Variants in MTA3 observed in about 807,000 individuals in gnomAD.
MTA3 encodes the protein metastasis-associated protein MTA3.
In MTA3, 34 loss-of-function variants were observed where a neutral mutation model predicts 83.5. The observed-to-expected ratio is 0.41, with a 90% CI of 0.31 to 0.54. The LOEUF (loss-of-function observed/expected upper bound fraction) is 0.54. Ranked by LOEUF, MTA3 falls within the 20% of genes least tolerant of loss-of-function variation. The pLI, the probability that MTA3 is intolerant of heterozygous loss-of-function variation, is 0.33. For synonymous variants in MTA3, 303 were observed against 252.7 expected (o/e 1.20, Z -1.89); for missense variants, 761 against 726.4 (o/e 1.05, Z -0.55).
At chr2:42,725,416 A>G (rs1019481250) in intron 16 of MTA3, among the ~76,000 whole-genome samples, 5 of 152,362 alleles carry the variant, frequency 3.3e-5, no homozygotes, top group African/African-American at 1.2e-4. Context: ...AATGCACTGT[A>G]TTAGGTTCTA....
At chr2:42,612,126 G>A (rs1013570059) in intron 4 of MTA3, among the ~76,000 whole-genome samples, 1 of 152,168 alleles carries the variant, frequency 6.6e-6, no homozygotes, top group Non-Finnish European at 1.5e-5. Flanking sequence ...AAAATAGTAG[G>A]TGATTAATTT....
intron 2 of MTA3, among the ~76,000 whole-genome samples, chr2:42,513,173 G>C (rs561054688): frequency 6.6e-6 from 1 of 152,236 alleles, no homozygotes; most frequent in East Asian, 1.9e-4. Context: ...TTTCATCTTT[G>C]TGTTGGCAAG....
intron 3 of MTA3, among the ~76,000 whole-genome samples, chr2:42,586,834 C>T (rs1680390082): frequency 6.6e-6 from 1 of 152,104 alleles, no homozygotes; most frequent in South Asian, 2.1e-4. Context: ...ACCATCCTGG[C>T]CAACATGGTG....
intron 6 of MTA3, among the ~76,000 whole-genome samples, chr2:42,651,313 A>G (rs888922621): frequency 2.0e-5 from 3 of 152,230 alleles, no homozygotes; most frequent in Non-Finnish European, 4.4e-5. Flanking sequence ...AACACTGTAC[A>G]CTTAGGCTAT....
At chr2:42,617,855 A>G (rs535641113) in intron 4 of MTA3, among the ~76,000 whole-genome samples, 2 of 152,098 alleles carry the variant, frequency 1.3e-5, no homozygotes, top group South Asian at 4.2e-4. Flanking sequence ...CTTTACATCT[A>G]TTTTTATTCC....
chr2:42,514,441 G>A (rs1261348270), intron 2 of MTA3, among the ~76,000 whole-genome samples: 1 of 152,058 alleles, frequency 6.6e-6, no homozygotes, highest in Non-Finnish European at 1.5e-5. Context: ...GAGTGCAGGG[G>A]CACTGTCTTG....
chr2:42,589,521 G>A (rs931533822), intron 3 of MTA3, among the ~76,000 whole-genome samples: 1 of 152,166 alleles, frequency 6.6e-6, no homozygotes, highest in Admixed American at 6.6e-5. Flanking sequence ...TAATAAATGA[G>A]TACTGTACAT....
intron 2 of MTA3, among the ~76,000 whole-genome samples, chr2:42,548,812 T>TATATATAAATATA: frequency 2.7e-5 from 1 of 37,196 alleles, no homozygotes; most frequent in Non-Finnish European, 4.3e-5. Flanking sequence ...CAAAAAAAAA[T>TATATATAAATATA]ATATATATAT....
intron 6 of MTA3, among the ~76,000 whole-genome samples, chr2:42,648,150 T>C (rs936685750): frequency 6.6e-5 from 10 of 152,218 alleles, no homozygotes; most frequent in Non-Finnish European, 1.3e-4. Flanking sequence ...CACCCTTCTT[T>C]TTTCTAATGA....
chr2:42,682,634 A>T (rs1692029901), intron 9 of MTA3, 45 bp downstream of exon 9: 2 of 1,518,772 alleles, frequency 1.3e-6, no homozygotes, highest in South Asian at 1.2e-5. Flanking sequence ...AGATGGGAAT[A>T]TTCTGTTTTA....
Position 42,753,622 on chromosome 2 carries a change from A to T in MTA3, c.*223A>T. ...CAGCAGCACCTCGCTTTCTTGTCAG[A>T]GACCTCGCTGTTACGGAGCGAGACC... On this transcript the variant is annotated 3_prime_UTR_variant, in exon 17 of 17. Transcript: ENST00000405094. 7.3e-7 allele frequency: 1 copy of T among 1,362,608 alleles called. No individual in the cohort carries two copies. Among genetic ancestry groups the T allele is most frequent in the South Asian group, 1.6e-5 (1 of 62,528 alleles). 84.4% of individuals were successfully genotyped at this position (1,362,608 alleles called of 1,614,324 possible).
intron 4 of MTA3, among the ~76,000 whole-genome samples, chr2:42,630,046 G>C (rs1428081489): frequency 1.3e-5 from 2 of 152,086 alleles, no homozygotes; most frequent in Non-Finnish European, 2.9e-5. Context: ...CAAGTGCTAG[G>C]ATTACAGGCA....
chr2:42,707,278 C>G (rs1573702442), intron 12 of MTA3, among the ~76,000 whole-genome samples: 1 of 151,526 alleles, frequency 6.6e-6, no homozygotes, highest in African/African-American at 2.4e-5. Context: ...GAGCCTCACT[C>G]TGTCGCCCAG....
chr2:42,706,646 A>G (rs1252943623), intron 12 of MTA3, among the ~76,000 whole-genome samples: 1 of 152,242 alleles, frequency 6.6e-6, no homozygotes, highest in African/African-American at 2.4e-5. Flanking sequence ...CAATTAACTT[A>G]TGTCTCAACC....
chr2:42,630,090 C>G (rs774867927), intron 4 of MTA3, among the ~76,000 whole-genome samples: 2 of 152,088 alleles, frequency 1.3e-5, no homozygotes, highest in Non-Finnish European at 2.9e-5. Context: ...ACAATTTAAG[C>G]GATCCTTAAA....
Position 42,756,151 on chromosome 2 carries a change from C to A in MTA3, c.*2752C>A. On this transcript the variant is annotated 3_prime_UTR_variant, in exon 17 of 17. Transcript: ENST00000405094. ...GGGAACAACAACAGCAAGCCGCCCC[C>A]ATCCTGAGACTGGCTGGGCACCAGG... 1 of 429,474 alleles carries A rather than the reference C, an allele frequency of 2.3e-6. No homozygotes were observed. The highest frequency in any genetic ancestry group is 3.1e-6 in the Non-Finnish European group (1 of 321,658). 26.6% of individuals were successfully genotyped at this position (429,474 alleles called of 1,614,324 possible).
rs74721664 is a variant in MTA3, at chr2:42,744,240, C to A, written c.1760-9134C>A. Among the ~76,000 whole-genome samples the A allele has an allele frequency of 3.1e-3, 473 of 152,262 alleles. 6 individuals carry two copies. Among genetic ancestry groups the A allele is most frequent in the African/African-American group, 0.011 (448 of 41,552 alleles). On this transcript the variant is annotated intron_variant, in intron 16 of 16. Transcript: ENST00000405094. ...TGAAGAAGACAGATCCAATTGCATT[C>A]GGCATAAGTAGTCAACAACTTAGTG...
intron 14 of MTA3, among the ~76,000 whole-genome samples, chr2:42,718,527 T>C (rs1444289394): frequency 6.6e-6 from 1 of 151,302 alleles, no homozygotes; most frequent in Non-Finnish European, 1.5e-5. Flanking sequence ...ATTACAGGCA[T>C]GAGCAGGTGG....
chr2:42,553,853 A>G (rs1425048592), intron 2 of MTA3, among the ~76,000 whole-genome samples: 1 of 147,422 alleles, frequency 6.8e-6, no homozygotes, highest in African/African-American at 2.5e-5. Flanking sequence ...CCTGGGCGAC[A>G]GAGCAAGACT....
Sources: allele counts gnomAD v4.1 joint callset (sites outside exome capture counted in the v4.1 genomes callset), GRCh38; gene constraint gnomAD v4.1.1; transcripts MANE v1.5; gene names NCBI Gene and HGNC (gene_info 2026-07-23, HGNC 2026-07-21).